Variants in STAG1 observed in about 807,000 individuals in gnomAD.
The protein encoded by STAG1 is cohesin subunit SA-1.
STAG1 carries 26 observed loss-of-function variants against 170.9 expected under a neutral mutation model. That is an observed-to-expected ratio of 0.15 (90% CI 0.11 to 0.21). STAG1 has a LOEUF of 0.21. Ranked by LOEUF, STAG1 falls within the 10% of genes least tolerant of loss-of-function variation. The pLI is 1.00. For missense variants in STAG1, 964 were observed against 1,509.5 expected (o/e 0.64, Z 5.99); for synonymous variants, 514 against 497.7 (o/e 1.03, Z -0.44).
chr3:136,651,985 T>A (rs1485112026), intron 1 of STAG1, among the ~76,000 whole-genome samples: 1 of 152,150 alleles, frequency 6.6e-6, no homozygotes, highest in African/African-American at 2.4e-5. Flanking sequence ...AGGATAAGTG[T>A]GCCCTTGGTT....
chr3:136,507,209 T>C (rs1462238372), intron 7 of STAG1, among the ~76,000 whole-genome samples: 2 of 152,188 alleles, frequency 1.3e-5, no homozygotes, highest in Non-Finnish European at 2.9e-5. Flanking sequence ...AAACACACCA[T>C]ATTGTCTCTC....
chr3:136,742,829 T>C (rs1934741122), intron 1 of STAG1, among the ~76,000 whole-genome samples: 1 of 151,524 alleles, frequency 6.6e-6, no homozygotes, highest in Non-Finnish European at 1.5e-5. Flanking sequence ...ATAAAACACA[T>C]CAAAGTCTGA....
At chr3:136,601,358 T>TA (rs1451030989) in intron 4 of STAG1, among the ~76,000 whole-genome samples, 2 of 151,902 alleles carry the variant, frequency 1.3e-5, no homozygotes, top group African/African-American at 4.8e-5. Context: ...ATATAGCCAG[T>TA]AAAAAATATT....
intron 1 of STAG1, among the ~76,000 whole-genome samples, chr3:136,698,417 A>AATGCAAAT (rs751024784): frequency 1.1e-4 from 16 of 152,324 alleles, no homozygotes; most frequent in Non-Finnish European, 2.2e-4. Context: ...TCATCAGGGA[A>AATGCAAAT]ATGCAAATTA....
chr3:136,673,943 A>C (rs1942050239), intron 1 of STAG1, among the ~76,000 whole-genome samples: 2 of 151,650 alleles, frequency 1.3e-5, no homozygotes, highest in South Asian at 4.2e-4. Context: ...TCTCTACTAA[A>C]AATACAACAA....
chr3:136,555,560 G>A (rs1244549504), intron 5 of STAG1, among the ~76,000 whole-genome samples: 1 of 152,020 alleles, frequency 6.6e-6, no homozygotes, highest in Non-Finnish European at 1.5e-5. Context: ...GCTCACACCT[G>A]TAATTCTAGC....
At chr3:136,542,678 A>G (rs1229898699) in intron 5 of STAG1, among the ~76,000 whole-genome samples, 1 of 151,988 alleles carries the variant, frequency 6.6e-6, no homozygotes, top group Non-Finnish European at 1.5e-5. Flanking sequence ...ATAAAAAAAA[A>G]AAAAAAAGGA....
rs543101562 is a variant in STAG1 at position 136,603,660 on chromosome 3, G to A, written c.297+649C>T. Among the ~76,000 whole-genome samples the A allele has an allele frequency of 6.6e-5, 10 of 152,240 alleles. No individual in the cohort carries two copies. In the South Asian group the frequency reaches 1.0e-3, roughly 16 times the overall value. ...AGTACTTTGGGAGGCCGAGGCAGGT[G>A]GATCACGAGGTCAGCAGATCGAGAT... On this transcript the variant is annotated intron_variant, in intron 4 of 33. Coordinates refer to ENST00000383202, the MANE Select transcript of STAG1 (RefSeq NM_005862.3).
chr3:136,630,997 A>C lies in STAG1; in HGVS notation c.-83-16T>G. 4.3e-6 allele frequency: 5 copies of C among 1,167,198 alleles called. No homozygotes were observed. The highest frequency in any genetic ancestry group is 3.1e-5 in the South Asian group (2 of 65,486). The allele number at this position is 1,167,198 out of a possible 1,614,324, so 72.3% of individuals were successfully genotyped here. ...AAAGGCAATCCTGTCAATTAAAAAA[A>C]AGAAATTATTTTAAAATAAAATGAG... On this transcript the variant is annotated splice_polypyrimidine_tract_variant and intron_variant, in intron 1 of 33. Coordinates refer to ENST00000383202, the MANE Select transcript of STAG1 (RefSeq NM_005862.3).
At chr3:136,750,378 G>T (rs559543416) in intron 1 of STAG1, among the ~76,000 whole-genome samples, 5 of 152,110 alleles carry the variant, frequency 3.3e-5, no homozygotes, top group Admixed American at 1.3e-4. Flanking sequence ...CAAACCCAGG[G>T]GACGTTCAAA....
chr3:136,381,182 G>C (rs746444994), intron 22 of STAG1, among the ~76,000 whole-genome samples: 1 of 152,044 alleles, frequency 6.6e-6, no homozygotes, highest in African/African-American at 2.4e-5. Context: ...AGAGAAAGAA[G>C]TAAACAAGGA....
intron 8 of STAG1, among the ~76,000 whole-genome samples, chr3:136,500,599 C>T (rs1222109083): frequency 6.6e-6 from 1 of 152,168 alleles, no homozygotes; most frequent in Admixed American, 6.6e-5. Context: ...GCCTTAGGAA[C>T]AGAACTCTTC....
intron 7 of STAG1, 90 bp from the exon 8 acceptor site, chr3:136,502,869 GA>G: frequency 2.0e-6 from 2 of 1,009,512 alleles, no homozygotes. Context: ...ATGAAGAAAT[GA>G]AACTAGTGAA....
Position 136,468,766 on chromosome 3 carries a change from CA to C in STAG1, c.1205+3646del, listed in dbSNP as rs1166913487. Among the ~76,000 whole-genome samples the C allele has an allele frequency of 2.6e-5, 4 of 152,276 alleles. No individual in the cohort carries two copies. The East Asian group carries it at 7.7e-4, about 29-fold the overall frequency. On this transcript the variant is annotated intron_variant, in intron 12 of 33. Coordinates refer to ENST00000383202, the MANE Select transcript of STAG1 (RefSeq NM_005862.3). ...AATACTGGCAAACCGAATCCAGCAG[CA>C]CATCAAAAAGCTTAGCCACCATGAT...
intron 1 of STAG1, among the ~76,000 whole-genome samples, chr3:136,638,778 C>T (rs947694990): frequency 2.0e-5 from 3 of 151,932 alleles, no homozygotes; most frequent in Admixed American, 6.6e-5. Flanking sequence ...AGCATGCGCC[C>T]GTAATCCTAA....
At chr3:136,541,001 T>C (rs1236024789) in intron 6 of STAG1, among the ~76,000 whole-genome samples, 3 of 152,104 alleles carry the variant, frequency 2.0e-5, no homozygotes, top group Non-Finnish European at 4.4e-5. Context: ...AGAGTTTTAC[T>C]AAGTTAATTC....
At chr3:136,479,111 T>A (rs539443500) in intron 9 of STAG1, among the ~76,000 whole-genome samples, 1 of 149,464 alleles carries the variant, frequency 6.7e-6, no homozygotes, top group Non-Finnish European at 1.5e-5. Flanking sequence ...AGTTTTAGGG[T>A]ACATGTGCAC....
At chr3:136,558,123 G>GGCTC (rs1299196867) in intron 5 of STAG1, among the ~76,000 whole-genome samples, 1 of 152,196 alleles carries the variant, frequency 6.6e-6, no homozygotes, top group Non-Finnish European at 1.5e-5. Context: ...CAGGTGCGGT[G>GGCTC]GCTCATGCCT....
rs116719782 is a variant in STAG1, at chr3:136,563,062, C to T, written c.394+5703G>A. Among the ~76,000 whole-genome samples, 992 of 152,292 alleles carry T rather than the reference C, an allele frequency of 6.5e-3. 9 individuals carry two copies. The highest frequency in any genetic ancestry group is 0.023 in the African/African-American group (963 of 41,562). ...GTTCTTCTAAGGGCATATCAGAAAG[C>T]ACATGATAGCAATTAGCTCCGTAAC... On this transcript the variant is annotated intron_variant, in intron 5 of 33. Transcript: ENST00000383202.
Sources: allele counts gnomAD v4.1 joint callset (sites outside exome capture counted in the v4.1 genomes callset), GRCh38; gene constraint gnomAD v4.1.1; transcripts MANE v1.5; gene names NCBI Gene and HGNC (gene_info 2026-07-23, HGNC 2026-07-21).